CRX: variants seen among roughly 807,000 people sequenced by gnomAD.
The protein encoded by CRX is cone-rod homeobox protein.
A neutral mutation model predicts 13.1 loss-of-function variants in CRX; 5 were observed. The observed-to-expected ratio is 0.38, with a 90% CI of 0.20 to 0.80. The LOEUF (loss-of-function observed/expected upper bound fraction) is 0.80, where lower values mean the gene tolerates loss of function less well. Among genes scored for constraint, CRX ranks in the 30% least tolerant of loss-of-function variants. CRX has a pLI of 0.43. For missense variants in CRX, 351 were observed against 391.8 expected (o/e 0.90, Z 0.88); for synonymous variants, 179 against 171.1 (o/e 1.05, Z -0.36).
Position 47,823,902 on chromosome 19 carries a change from G to A in CRX, c.-36+1892G>A, listed in dbSNP as rs558742902. Among the ~76,000 whole-genome samples the A allele has an allele frequency of 8.5e-5, 13 of 152,066 alleles. No individual in the cohort carries two copies. The East Asian group carries it at 1.2e-3, about 14-fold the overall frequency. On this transcript the variant is annotated intron_variant, in intron 1 of 3. Transcript: ENST00000221996. ...TGACCTCAGGTGATCCACCTGCCTC[G>A]GCCTCCCAAAGTGCTGGGATTACAG...
intron 1 of CRX, among the ~76,000 whole-genome samples, chr19:47,825,659 C>T (rs1309890079): frequency 6.6e-6 from 1 of 152,118 alleles, no homozygotes; most frequent in Non-Finnish European, 1.5e-5. Flanking sequence ...GTGGCCCACG[C>T]CTGTGATTCC....
chr19:47,838,879 A>T (rs925595550), intron 3 of CRX, among the ~76,000 whole-genome samples: 1 of 150,870 alleles, frequency 6.6e-6, no homozygotes, highest in Non-Finnish European at 1.5e-5. Context: ...TGATGTACGT[A>T]TGATCATATA....
intron 1 of CRX, among the ~76,000 whole-genome samples, chr19:47,828,006 T>C (rs1435324875): frequency 6.6e-6 from 1 of 150,950 alleles, no homozygotes; most frequent in East Asian, 2.0e-4. Flanking sequence ...ATACAAAAAT[T>C]AGCCAGGTAT....
rs759530877 is a variant in CRX at position 47,840,403 on chromosome 19, G to T, written c.*436G>T. 0.011 allele frequency: 2,428 copies of T among 213,730 alleles called. 51 individuals carry two copies. Among genetic ancestry groups the T allele is most frequent in the East Asian group, 0.04 (325 of 8,168 alleles). The allele number at this position is 213,730 out of a possible 1,614,324, so 13.2% of individuals were successfully genotyped here. A position where few individuals can be genotyped will look rare whatever the true frequency, so the allele number is the denominator to read the frequency against. On this transcript the variant is annotated 3_prime_UTR_variant, in exon 4 of 4. Transcript: ENST00000221996. ...CCACGTGGACAGAATTTTTTTTTTT[G>T]TTTTGTTTTTGTTTTGCAGACACAG...
intron 1 of CRX, among the ~76,000 whole-genome samples, chr19:47,829,392 C>T (rs554546596): frequency 4.0e-4 from 61 of 152,152 alleles, no homozygotes; most frequent in Middle Eastern, 3.4e-3. Flanking sequence ...AGTGCAATGG[C>T]GTGATCTCGG....
In CRX at chr19:47,836,203, T is replaced by G. The variant is rs201968137; in HGVS notation, c.101-40T>G. 3.4e-4 allele frequency: 544 copies of G among 1,613,456 alleles called. 1 individual carries two copies. In the African/African-American group the frequency reaches 6.7e-3, roughly 20 times the overall value. ...AGCCTCAGGGCCTCACACCAGCCCA[T>G]GTGGATGACCTGAGGGTCCTGTTTC... On this transcript the variant is annotated intron_variant, in intron 2 of 3. Transcript: ENST00000221996.
chr19:47,834,351 C>A (rs896410892), intron 1 of CRX, 58 bp from the exon 2 acceptor site: 4 of 987,556 alleles, frequency 4.1e-6, no homozygotes, highest in Non-Finnish European at 6.6e-6. Context: ...GCAGCCTGCA[C>A]GTCACCCCAT....
intron 3 of CRX, among the ~76,000 whole-genome samples, chr19:47,838,171 T>C (rs771656350): frequency 1.3e-5 from 2 of 152,138 alleles, no homozygotes; most frequent in Non-Finnish European, 2.9e-5. Context: ...TGAATATGTA[T>C]ATGATGTATG....
chr19:47,822,458 T>G (rs1967923632), intron 1 of CRX, among the ~76,000 whole-genome samples: 1 of 152,182 alleles, frequency 6.6e-6, no homozygotes, highest in South Asian at 2.1e-4. Context: ...CACTGATTTT[T>G]CCCCAGTGCC....
At position 47,828,893 on chromosome 19, in the gene CRX, A is replaced by AACACAC. The variant is rs59471457; in HGVS notation, c.-35-5472_-35-5467dup. On this transcript the variant is annotated intron_variant, in intron 1 of 3. Transcript: ENST00000221996. ...TATTGTTGTTTTTGCTTTTGACAAG[A>AACACAC]ACACACACACACACACACACACACA... Among the ~76,000 whole-genome samples the AACACAC allele has an allele frequency of 2.2e-3, 299 of 134,140 alleles. 2 individuals carry two copies. The highest frequency in any genetic ancestry group is 0.011 in the East Asian group (46 of 4,322). 88.0% of individuals were successfully genotyped at this position (134,140 alleles called of 152,430 possible).
At chr19:47,832,105 G>GTTTTTTTTT (rs71180891) in intron 1 of CRX, among the ~76,000 whole-genome samples, 9,971 of 91,086 alleles carry the variant, frequency 0.11, 1,975 homozygotes, top group Middle Eastern at 0.15. Context: ...GCAGCCTTAT[G>GTTTTTTTTT]TTTTTTTTTT....
chr19:47,833,224 C>T (rs1193287347), intron 1 of CRX, among the ~76,000 whole-genome samples: 1 of 150,888 alleles, frequency 6.6e-6, no homozygotes, highest in Non-Finnish European at 1.5e-5. Flanking sequence ...AGGTGTGAGC[C>T]GCCTTGCTTA....
chr19:47,827,805 G>A (rs1175147009), intron 1 of CRX, among the ~76,000 whole-genome samples: 2 of 109,338 alleles, frequency 1.8e-5, no homozygotes, highest in Non-Finnish European at 1.7e-5. Context: ...TTACAGGCAA[G>A]AGCCCCTGCT....
At chr19:47,832,413 A>T (rs947201828) in intron 1 of CRX, among the ~76,000 whole-genome samples, 1 of 148,644 alleles carries the variant, frequency 6.7e-6, no homozygotes, top group South Asian at 2.1e-4. Context: ...GGCTTACTTT[A>T]AAAAAAAAAT....
Position 47,824,646 on chromosome 19 carries a change from C to T in CRX, c.-36+2636C>T, listed in dbSNP as rs924622671. ...CCTCCCTCCCAGGCTCAGTCTCCCC[C>T]GCTGTAGAATGGAGTTATCTGCATG... On this transcript the variant is annotated intron_variant, in intron 1 of 3. Transcript: ENST00000221996. 4.6e-5 allele frequency among the ~76,000 whole-genome samples: 7 copies of T among 152,110 alleles called. No individual in the cohort carries two copies. The East Asian group carries it at 5.8e-4, about 13-fold the overall frequency.
rs765530898 is a variant in CRX, at chr19:47,839,334, C to T, written c.267C>T (p.Asn89=). 5 of 1,613,424 alleles carry T rather than the reference C, an allele frequency of 3.1e-6. No homozygotes were observed. In the East Asian group the frequency reaches 1.1e-4, roughly 36 times the overall value. Residue 89 remains asparagine, a synonymous_variant, in exon 4 of 4, where the codon AAC becomes AAT. Transcript: ENST00000221996. This position sits in a 1 kb window ranked among gnomAD's most constrained non-coding sequence, Gnocchi z 4.6. ...PESRVQVWFK[N]RRAKCRQQRQ... ...TTATCCCCCAGGTTTGGTTCAAGAA[C>T]CGGAGGGCTAAATGCAGGCAGCAGC...
chr19:47,839,473 C>G lies in CRX; in HGVS notation c.406C>G (p.Leu136Val). 6.2e-7 allele frequency: 1 copy of G among 1,614,060 alleles called. No homozygotes were observed. Among genetic ancestry groups the G allele is most frequent in the Non-Finnish European group, 8.5e-7 (1 of 1,179,960 alleles). Reference protein sequence around the residue: ...RPSTDVCPDPLGISDSYSPPL... With the variant: ...RPSTDVCPDPVGISDSYSPPL... ...CTCCACAGATGTGTGTCCAGACCCTCTGGGCATCTCAGATTCCTACAGTCC... is the reference window on the plus strand; with the variant it reads ...CTCCACAGATGTGTGTCCAGACCCTGTGGGCATCTCAGATTCCTACAGTCC... Residue 136 changes from leucine (L) to valine (V), a missense_variant, in exon 4 of 4, where the codon CTG (leucine) becomes GTG (valine). Physicochemically the swap from Leu to Val is conservative, Grantham distance 32. This residue lies in a region of CRX where 253 missense variants were observed against 268.3 expected (regional missense o/e 0.94). Coordinates refer to ENST00000221996, the MANE Select transcript of CRX (RefSeq NM_000554.6). This position sits in a 1 kb window ranked among gnomAD's most constrained non-coding sequence, Gnocchi z 4.6.
At position 47,840,940 on chromosome 19, in the gene CRX, C is replaced by G. The variant is rs1176628966; in HGVS notation, c.*973C>G. The G allele has an allele frequency of 1.3e-5, 2 of 151,702 alleles. No homozygotes were observed. Among genetic ancestry groups the G allele is most frequent in the East Asian group, 3.9e-4 (2 of 5,130 alleles). 9.4% of individuals were successfully genotyped at this position (151,702 alleles called of 1,614,324 possible). On this transcript the variant is annotated 3_prime_UTR_variant, in exon 4 of 4. Coordinates refer to ENST00000221996, the MANE Select transcript of CRX (RefSeq NM_000554.6). ...TGTTGGCCAGGCTGGTCTGGAACCC[C>G]TGACCTCAAGTGATCCGCCTGCCTC...
intron 1 of CRX, among the ~76,000 whole-genome samples, chr19:47,831,380 C>G (rs566194735): frequency 6.6e-6 from 1 of 152,092 alleles, no homozygotes; most frequent in East Asian, 1.9e-4. Flanking sequence ...CCCCAACCCC[C>G]GGTTTGTAGT....
Sources: gnomAD v4.1 joint callset for allele counts (sites outside exome capture counted in the v4.1 genomes callset) on GRCh38, gnomAD v4.1.1 for gene constraint, gnomAD v4.1.1 regional missense constraint, Gnocchi (gnomAD v3.1) non-coding constraint, MANE v1.5 for transcripts, NCBI Gene and HGNC (gene_info 2026-07-23, HGNC 2026-07-21) for gene names.